Variants in TEX10 observed in about 807,000 individuals in gnomAD.
TEX10 encodes testis expressed 10.
A neutral mutation model predicts 104.4 loss-of-function variants in TEX10; 24 were observed. The observed-to-expected ratio is 0.23, with a 90% confidence interval of 0.17 to 0.32. The LOEUF is 0.32. Ranked by LOEUF, TEX10 falls within the 10% of genes least tolerant of loss-of-function variation. The pLI, the probability that TEX10 is intolerant of heterozygous loss-of-function variation, is 1.00. For missense variants in TEX10, 921 were observed against 1,083.9 expected (o/e 0.85, Z 2.11); for synonymous variants, 396 against 393.4 (o/e 1.01, Z -0.08).
At position 100,352,863 on chromosome 9, in the gene TEX10, A is replaced by T; in HGVS notation, c.-101T>A. The T allele has an allele frequency of 4.0e-6, 4 of 1,004,878 alleles. No individual in the cohort carries two copies. The highest frequency in any genetic ancestry group is 3.6e-6 in the Non-Finnish European group (3 of 843,856). 62.2% of individuals were successfully genotyped at this position (1,004,878 alleles called of 1,614,324 possible). A position where few individuals can be genotyped will look rare whatever the true frequency, so the allele number is the denominator to read the frequency against. On this transcript the variant is annotated 5_prime_UTR_variant, in exon 1 of 15. Coordinates refer to ENST00000374902, the MANE Select transcript of TEX10 (RefSeq NM_017746.4). ...GGCAACAGCGTGCGCCGCCGACCTC[A>T]GGCTCTAGCTCCCGGAGCGTGTTTT...
intron 11 of TEX10, among the ~76,000 whole-genome samples, chr9:100,311,771 A>G (rs1834288333): frequency 6.6e-6 from 1 of 152,232 alleles, no homozygotes; most frequent in Non-Finnish European, 1.5e-5. Flanking sequence ...AGTCCTTCAC[A>G]GATATCAGTC....
At chr9:100,302,337 G>A (rs1292842969) in intron 14 of TEX10, 33 bp from the exon 15 acceptor site, 3 of 1,490,088 alleles carry the variant, frequency 2.0e-6, no homozygotes, top group African/African-American at 2.8e-5. Context: ...TCTGAGAACT[G>A]CACCCAAATC....
chr9:100,319,841 C>T (rs1454728174), intron 11 of TEX10, among the ~76,000 whole-genome samples: 2 of 151,972 alleles, frequency 1.3e-5, no homozygotes, highest in Non-Finnish European at 2.9e-5. Flanking sequence ...AAAAATAAGA[C>T]TTGTAAAACA....
Position 100,342,089 on chromosome 9 carries a change from T to C in TEX10, c.1138-1720A>G, listed in dbSNP as rs1364650141. On this transcript the variant is annotated intron_variant, in intron 4 of 14. Transcript: ENST00000374902. The stretch of plus-strand genomic sequence containing the variant: ...ATTTGCACAGGCCTTCCTGCCATTC[T>C]TCAAATATGCGAAGCCTGTTCTCAC... Among the ~76,000 whole-genome samples the C allele has an allele frequency of 3.9e-5, 6 of 152,218 alleles. No homozygotes were observed. The East Asian group carries it at 1.2e-3, about 29-fold the overall frequency.
chr9:100,331,427 A>G (rs750217370), intron 5 of TEX10, among the ~76,000 whole-genome samples: 5 of 152,214 alleles, frequency 3.3e-5, no homozygotes, highest in Non-Finnish European at 7.3e-5. Context: ...ACAAAGAGAG[A>G]CCCTATCACT....
intron 8 of TEX10, 112 bp from the exon 9 acceptor site, chr9:100,326,591 AT>A: frequency 1.0e-6 from 1 of 999,706 alleles, no homozygotes; most frequent in Non-Finnish European, 1.4e-6. Flanking sequence ...TTTATGCTGA[AT>A]TTTATGAATA....
chr9:100,346,546 T>C, intron 3 of TEX10, 148 bp downstream of exon 3: 1 of 983,530 alleles, frequency 1.0e-6, no homozygotes, highest in South Asian at 1.8e-5. Context: ...CAAATAACTC[T>C]TCCCATCAGT....
chr9:100,331,837 A>G (rs139918615), intron 5 of TEX10, among the ~76,000 whole-genome samples: 1 of 152,236 alleles, frequency 6.6e-6, no homozygotes, highest in Admixed American at 6.5e-5. Flanking sequence ...AACCAGGGTC[A>G]ATACTGGTAT....
At chr9:100,310,180 G>A in intron 12 of TEX10, 119 bp downstream of exon 12, 1 of 804,782 alleles carries the variant, frequency 1.2e-6, no homozygotes, top group South Asian at 1.6e-5. Context: ...TGCTGCAAGA[G>A]ACTATGATAT....
rs748640530 is a variant in TEX10, at chr9:100,327,965, T to C, written c.1626-3A>G. 4 of 1,537,842 alleles carry C rather than the reference T, an allele frequency of 2.6e-6. No homozygotes were observed. Among genetic ancestry groups the C allele is most frequent in the Non-Finnish European group, 2.7e-6 (3 of 1,130,496 alleles). On this transcript the variant is annotated splice_polypyrimidine_tract_variant and splice_region_variant and intron_variant, in intron 7 of 14. Coordinates refer to ENST00000374902, the MANE Select transcript of TEX10 (RefSeq NM_017746.4). Reference sequence around the variant, plus strand: ...GGGATAACACTTTACTACGATATCTTAGAAAGGCCAAAGAAGAATAAAATG... The same window carrying C: ...GGGATAACACTTTACTACGATATCTCAGAAAGGCCAAAGAAGAATAAAATG...
At chr9:100,351,522 C>T (rs1835448999) in intron 1 of TEX10, among the ~76,000 whole-genome samples, 2 of 152,108 alleles carry the variant, frequency 1.3e-5, no homozygotes, top group African/African-American at 4.8e-5. Context: ...GCTTTTCCTA[C>T]AATTTTATTA....
At chr9:100,332,324 G>C (rs566334386) in intron 5 of TEX10, among the ~76,000 whole-genome samples, 1 of 152,164 alleles carries the variant, frequency 6.6e-6, no homozygotes, top group Non-Finnish European at 1.5e-5. Context: ...AAAATTTACC[G>C]TAAGTTTATC....
At chr9:100,302,362 C>T in intron 14 of TEX10, 58 bp from the exon 15 acceptor site, 3 of 1,215,164 alleles carry the variant, frequency 2.5e-6, no homozygotes, top group South Asian at 2.8e-5. Flanking sequence ...TGCTACCTGA[C>T]AGTATTTTTC....
At chr9:100,304,283 G>T in intron 13 of TEX10, 1 of 221,386 alleles carries the variant, frequency 4.5e-6, no homozygotes, top group South Asian at 7.1e-5. Context: ...AAGCCAGAAT[G>T]GCCAAAGCAA....
chr9:100,342,087 T>G (rs1835187943), intron 4 of TEX10, among the ~76,000 whole-genome samples: 1 of 152,192 alleles, frequency 6.6e-6, no homozygotes, highest in African/African-American at 2.4e-5. Context: ...TTCCTGCCAT[T>G]CTTCAAATAT....
chr9:100,346,933 G>A lies in TEX10; in HGVS notation c.654C>T (p.Leu218=), dbSNP rs1835313744. Residue 218 remains leucine (L), a synonymous_variant, in exon 3 of 15, where the codon CTC becomes CTT. Transcript: ENST00000374902. ...CTTTCAGCCTCCATTGCTGAGAAGT[G>A]AGTCTCCGATTAGGATTTACAGAAA... ...WILSVNPNRR[L]TSQQWRLKVL... 1 of 1,614,178 alleles carries A rather than the reference G, an allele frequency of 6.2e-7. No individual in the cohort carries two copies. Among genetic ancestry groups the A allele is most frequent in the Non-Finnish European group, 8.5e-7 (1 of 1,180,020 alleles).
At chr9:100,343,742 A>G (rs1835230943) in intron 4 of TEX10, among the ~76,000 whole-genome samples, 1 of 152,244 alleles carries the variant, frequency 6.6e-6, no homozygotes, top group African/African-American at 2.4e-5. Flanking sequence ...CGAGACATCA[A>G]TTTACCAATA....
chr9:100,302,234 G>C lies in TEX10; in HGVS notation c.2747C>G (p.Thr916Ser). The C allele has an allele frequency of 6.2e-7, 1 of 1,613,430 alleles. No individual in the cohort carries two copies. The highest frequency in any genetic ancestry group is 8.5e-7 in the Non-Finnish European group (1 of 1,179,596). ...DLHYCFNVYITGHPQGPSALA... is the reference protein window; with the variant it reads ...DLHYCFNVYISGHPQGPSALA... ...TGCACTGGGCCCTTGGGGATGCCCAGTGATATACACGTTGAAGCAGTAATG... is the reference window on the plus strand; with the variant it reads ...TGCACTGGGCCCTTGGGGATGCCCACTGATATACACGTTGAAGCAGTAATG... The change falls in exon 15 of 15, where the codon ACT becomes AGT. Residue 916 changes from threonine (T) to serine (S), a missense_variant. Physicochemically the swap from Thr to Ser is moderately conservative, Grantham distance 58. This residue lies in a region of TEX10 where 753 missense variants were observed against 868.4 expected (regional missense o/e 0.87). Coordinates refer to ENST00000374902, the MANE Select transcript of TEX10 (RefSeq NM_017746.4).
chr9:100,321,666 C>T lies in TEX10; in HGVS notation c.2068+17G>A, dbSNP rs1265938796. The stretch of plus-strand genomic sequence containing the variant: ...TTAGGTTTTTTCTTTTTTAATCTGG[C>T]AAGTGAATGTGGTTACCTGTAAGTG... On this transcript the variant is annotated intron_variant, in intron 10 of 14. Coordinates refer to ENST00000374902, the MANE Select transcript of TEX10 (RefSeq NM_017746.4). 3.1e-6 allele frequency: 5 copies of T among 1,590,336 alleles called. No individual in the cohort carries two copies. The highest frequency in any genetic ancestry group is 4.3e-6 in the Non-Finnish European group (5 of 1,165,348).
Sources: gnomAD v4.1 joint callset for allele counts (sites outside exome capture counted in the v4.1 genomes callset) on GRCh38, gnomAD v4.1.1 for gene constraint, gnomAD v4.1.1 regional missense constraint, MANE v1.5 for transcripts, NCBI Gene and HGNC (gene_info 2026-07-23, HGNC 2026-07-21) for gene names.